Variants in TENM4 observed in about 807,000 individuals in gnomAD.
The protein encoded by TENM4 is teneurin-4.
A neutral mutation model predicts 243.3 loss-of-function variants in TENM4; 82 were observed. The observed-to-expected ratio is 0.34, with a 90% CI of 0.28 to 0.40. TENM4 has a LOEUF of 0.40. TENM4 is among the 10% of genes least tolerant of loss of function. TENM4 has a pLI of 1.00. For missense variants in TENM4, 3,138 were observed against 3,673.3 expected (o/e 0.85, Z 3.77); for synonymous variants, 1,412 against 1,456.3 (o/e 0.97, Z 0.69).
chr11:78,902,982 TGTGTAG>T (rs1441919291), intron 7 of TENM4, among the ~76,000 whole-genome samples: 1 of 151,978 alleles, frequency 6.6e-6, no homozygotes, highest in African/African-American at 2.4e-5. Context: ...TCATGGCCAT[TGTGTAG>T]ATAAGGGAAG....
intron 12 of TENM4, among the ~76,000 whole-genome samples, chr11:78,823,272 C>T (rs907224957): frequency 6.6e-6 from 1 of 152,212 alleles, no homozygotes; most frequent in Non-Finnish European, 1.5e-5. Context: ...GCCTGCCCAG[C>T]GGTGGCCCAG....
At position 79,440,806 on chromosome 11, in the gene TENM4, T is replaced by G. The variant is rs1859389469; in HGVS notation, c.-618A>C. The G allele has an allele frequency of 6.5e-6, 1 of 152,828 alleles. No homozygotes were observed. The highest frequency in any genetic ancestry group is 1.4e-5 in the Non-Finnish European group (1 of 69,006). The allele number at this position is 152,828 out of a possible 1,614,324, so 9.5% of individuals were successfully genotyped here. ...GCACTGCTGCCCCACATGAAACAGC[T>G]GCAATCCCGAGGCTTCTGGGGGGTT... On this transcript the variant is annotated 5_prime_UTR_variant, in exon 1 of 34. Coordinates refer to ENST00000278550, the MANE Select transcript of TENM4 (RefSeq NM_001098816.3). The surrounding 1 kb of genome is among the most constrained non-coding windows in gnomAD (Gnocchi z 4.7).
intron 6 of TENM4, among the ~76,000 whole-genome samples, chr11:78,973,046 T>C (rs1001854246): frequency 5.3e-5 from 8 of 152,272 alleles, no homozygotes; most frequent in Non-Finnish European, 1.0e-4. Flanking sequence ...CATTGCATTG[T>C]ATGGATATGC....
In TENM4 at chr11:78,812,334, G is replaced by C. The variant is rs1857518280; in HGVS notation, c.1784-18C>G. The C allele has an allele frequency of 6.5e-7, 1 of 1,547,754 alleles. No individual in the cohort carries two copies. The highest frequency in any genetic ancestry group is 8.7e-7 in the Non-Finnish European group (1 of 1,143,844). ...GCAGGAGGCTGGGGAGACAGCACCG[G>C]AGTCTGGCATGAATCAATGTCCAGC... On this transcript the variant is annotated intron_variant, in intron 13 of 33. Transcript: ENST00000278550.
At chr11:78,806,284 C>T (rs1260288760) in intron 14 of TENM4, among the ~76,000 whole-genome samples, 2 of 152,230 alleles carry the variant, frequency 1.3e-5, no homozygotes, top group East Asian at 3.9e-4. Context: ...GGGCAGTGAG[C>T]AAGACTCTGT....
chr11:78,835,665 T>C (rs898316527), intron 12 of TENM4, among the ~76,000 whole-genome samples: 7 of 152,224 alleles, frequency 4.6e-5, no homozygotes, highest in Non-Finnish European at 8.8e-5. Flanking sequence ...CGATCCCCCC[T>C]TCTCACCTAG....
At chr11:78,816,111 C>T (rs980320369) in intron 12 of TENM4, among the ~76,000 whole-genome samples, 8 of 152,320 alleles carry the variant, frequency 5.3e-5, no homozygotes, top group East Asian at 3.9e-4. Context: ...CTGGAGTCCA[C>T]GCTGAAGCCT....
At chr11:78,671,884 C>A (rs983969310) in intron 31 of TENM4, 149 bp downstream of exon 31, 3 of 1,041,358 alleles carry the variant, frequency 2.9e-6, no homozygotes, top group African/African-American at 3.2e-5. Flanking sequence ...CTCTTGGGAC[C>A]CCATGCCCTC....
intron 1 of TENM4, among the ~76,000 whole-genome samples, chr11:79,335,482 A>G (rs1344219786): frequency 6.6e-6 from 1 of 152,192 alleles, no homozygotes; most frequent in Non-Finnish European, 1.5e-5. Flanking sequence ...TGCCCAAACC[A>G]TCCATTGGTA....
intron 4 of TENM4, among the ~76,000 whole-genome samples, chr11:79,102,150 G>A (rs770667955): frequency 2.0e-5 from 3 of 152,234 alleles, no homozygotes; most frequent in Non-Finnish European, 4.4e-5. Context: ...ACAGTGATCA[G>A]GACAGTGTCT....
At chr11:79,019,124 C>T (rs998955920) in intron 6 of TENM4, among the ~76,000 whole-genome samples, 3 of 152,208 alleles carry the variant, frequency 2.0e-5, no homozygotes, top group East Asian at 1.9e-4. Flanking sequence ...TCCACACTTC[C>T]ATGCCTCTGT....
In TENM4 at chr11:78,669,645, G is replaced by A; in HGVS notation, c.6700C>T (p.Leu2234Phe). The A allele has an allele frequency of 1.2e-6, 2 of 1,614,012 alleles. No homozygotes were observed. The highest frequency in any genetic ancestry group is 1.7e-6 in the Non-Finnish European group (2 of 1,179,900). Residue 2234 changes from leucine (L) to phenylalanine (F), a missense_variant, in exon 32 of 34, where the codon CTC becomes TTC. Around this residue, in one of 2 missense-constraint regions of TENM4, gnomAD observed 2,467 missense variants for 3,059.1 expected, o/e 0.81. Transcript: ENST00000278550. The surrounding 1 kb of genome is among the most constrained non-coding windows in gnomAD (Gnocchi z 6.4). ...CGGATGTCATACCGTAGTGGTGTGAGCCGTGCACTGTTCCCAGGGCTCAGT... is the reference window on the plus strand; with the variant it reads ...CGGATGTCATACCGTAGTGGTGTGAACCGTGCACTGTTCCCAGGGCTCAGT... ...HLLSPGNSAR[L>F]TPLRYDIRDR...
At chr11:79,149,677 C>A (rs936601084) in intron 3 of TENM4, among the ~76,000 whole-genome samples, 3 of 152,150 alleles carry the variant, frequency 2.0e-5, no homozygotes, top group African/African-American at 7.2e-5. Context: ...AGGATACAGT[C>A]CACTTTCGTG....
intron 3 of TENM4, among the ~76,000 whole-genome samples, chr11:79,166,904 G>T (rs186559819): frequency 3.9e-5 from 6 of 152,352 alleles, no homozygotes; most frequent in Admixed American, 3.9e-4. Context: ...ACTATGGTGT[G>T]CAGAAGAATT....
At chr11:79,307,412 T>C (rs964257738) in intron 1 of TENM4, among the ~76,000 whole-genome samples, 1 of 152,246 alleles carries the variant, frequency 6.6e-6, no homozygotes, top group African/African-American at 2.4e-5. Context: ...CACCGCTCTC[T>C]CCTGCACTGA....
intron 2 of TENM4, among the ~76,000 whole-genome samples, chr11:79,292,614 C>T (rs941165333): frequency 6.6e-6 from 1 of 152,210 alleles, no homozygotes; most frequent in Admixed American, 6.5e-5. Context: ...CTGAAGGGGC[C>T]ATGGGCATCG....
intron 1 of TENM4, among the ~76,000 whole-genome samples, chr11:79,425,601 T>C (rs971936025): frequency 2.6e-5 from 4 of 152,214 alleles, no homozygotes; most frequent in Non-Finnish European, 4.4e-5. Context: ...TAGTCAGTGA[T>C]GGAGCATAAC....
chr11:79,234,772 C>T (rs201965379), intron 2 of TENM4, among the ~76,000 whole-genome samples: 5 of 152,170 alleles, frequency 3.3e-5, no homozygotes, highest in African/African-American at 4.8e-5. Flanking sequence ...TATTTCCCAG[C>T]GCTAGTGCTT....
At chr11:79,201,629 C>A (rs1863739781) in intron 3 of TENM4, among the ~76,000 whole-genome samples, 1 of 152,158 alleles carries the variant, frequency 6.6e-6, no homozygotes, top group African/African-American at 2.4e-5. Context: ...AGAATTCCTG[C>A]CCTTAGGGAG....
Sources: allele counts gnomAD v4.1 joint callset (sites outside exome capture counted in the v4.1 genomes callset), GRCh38; gene constraint gnomAD v4.1.1; regional missense constraint gnomAD v4.1.1; non-coding constraint Gnocchi (gnomAD v3.1); transcripts MANE v1.5; gene names NCBI Gene and HGNC (gene_info 2026-07-23, HGNC 2026-07-21).